The following EDA variants were observed in gnomAD, a reference collection of about 807,000 sequenced individuals.
EDA encodes ectodysplasin-A.
EDA carries 2 observed loss-of-function variants against 23.6 expected under a neutral mutation model. The observed-to-expected ratio is 0.08, with a 90% CI of 0.03 to 0.27. The LOEUF (loss-of-function observed/expected upper bound fraction) is 0.27. EDA is among the 10% of genes least tolerant of loss of function. The pLI is 1.00. For synonymous variants in EDA, 131 were observed against 132.0 expected, an observed-to-expected ratio of 0.99 and a Z score of 0.05; for missense variants, 229 against 324.2, an observed-to-expected ratio of 0.71 and a Z score of 2.26.
chrX:69,877,530 GT>G (rs1002699651), intron 1 of EDA, among the ~76,000 whole-genome samples: 23 of 109,948 alleles, frequency 2.1e-4, no homozygotes, highest in African/African-American at 7.0e-4. Context: ...TCTTTTTTTT[GT>G]TTTTTTATTA....
intron 1 of EDA, among the ~76,000 whole-genome samples, chrX:69,797,369 C>T (rs1602418605): frequency 9.0e-6 from 1 of 110,937 alleles, no homozygotes; most frequent in Admixed American, 9.6e-5. Context: ...ATCTAGTCAC[C>T]TATAAGGGAG....
chrX:69,771,638 A>C (rs1331413843), intron 1 of EDA, among the ~76,000 whole-genome samples: 1 of 112,082 alleles, frequency 8.9e-6, no homozygotes, highest in African/African-American at 3.2e-5. Flanking sequence ...AATACCATTA[A>C]GTTGTATAAC....
intron 1 of EDA, among the ~76,000 whole-genome samples, chrX:69,902,182 C>T (rs1040229666): frequency 9.6e-5 from 3 of 31,159 alleles, no homozygotes; most frequent in South Asian, 8.9e-4. Context: ...ATGAATTGTC[C>T]GTTTGGTTAT....
chrX:69,864,190 A>G (rs755012518), intron 1 of EDA, among the ~76,000 whole-genome samples: 1 of 111,633 alleles, frequency 9.0e-6, no homozygotes, highest in South Asian at 3.8e-4. Flanking sequence ...GGACCCTCAC[A>G]GAGTCCACTT....
At chrX:69,685,699 C>T (rs1407963174) in intron 1 of EDA, among the ~76,000 whole-genome samples, 2 of 111,310 alleles carry the variant, frequency 1.8e-5, no homozygotes, top group Non-Finnish European at 3.8e-5. Flanking sequence ...TCCATTTTAC[C>T]CTCTTGATAA....
At chrX:69,710,070 C>T (rs1276938294) in intron 1 of EDA, among the ~76,000 whole-genome samples, 2 of 111,418 alleles carry the variant, frequency 1.8e-5, no homozygotes, top group African/African-American at 6.5e-5. Context: ...AAGTCCTTGC[C>T]CATGCCTATG....
At chrX:69,957,221 G>A in intron 2 of EDA, 89 bp downstream of exon 2, 1 of 910,943 alleles carries the variant, frequency 1.1e-6, no homozygotes, top group Admixed American at 2.3e-5. Flanking sequence ...GTAGGGCATG[G>A]TGGCTCACGC....
chrX:69,962,356 G>A (rs2019113658), intron 2 of EDA, among the ~76,000 whole-genome samples: 1 of 112,349 alleles, frequency 8.9e-6, no homozygotes, highest in Non-Finnish European at 1.9e-5. Context: ...CCTTAAAACA[G>A]GGATAATTAG....
chrX:69,785,098 G>T (rs1381689498), intron 1 of EDA, among the ~76,000 whole-genome samples: 1 of 101,350 alleles, frequency 9.9e-6, no homozygotes, highest in East Asian at 2.9e-4. Context: ...CTGTTTGTCT[G>T]TTGTTGGTGT....
intron 1 of EDA, among the ~76,000 whole-genome samples, chrX:69,940,949 A>G (rs1187689981): frequency 9.0e-6 from 1 of 111,605 alleles, no homozygotes; most frequent in Non-Finnish European, 1.9e-5. Context: ...ACTGTATCCC[A>G]TAGGTTCTTG....
chrX:69,873,431 A>C (rs1451593140), intron 1 of EDA, among the ~76,000 whole-genome samples: 5 of 112,413 alleles, frequency 4.4e-5, no homozygotes, highest in Non-Finnish European at 9.4e-5. Flanking sequence ...AACAAACAAA[A>C]AAAATACAAA....
At chrX:69,687,606 C>G in intron 1 of EDA, 1 of 111,908 alleles carries the variant, frequency 8.9e-6, no homozygotes, top group East Asian at 2.8e-4. Flanking sequence ...TGTGGCTTCT[C>G]CTTTAGGTAT....
chrX:69,778,156 T>C (rs2014839587), intron 1 of EDA, among the ~76,000 whole-genome samples: 1 of 111,912 alleles, frequency 8.9e-6, no homozygotes, highest in African/African-American at 3.2e-5. Flanking sequence ...AGTTGTATTA[T>C]CATTTAATTA....
chrX:69,748,167 C>A (rs1306826802), intron 1 of EDA, among the ~76,000 whole-genome samples: 1 of 111,053 alleles, frequency 9.0e-6, no homozygotes, highest in Non-Finnish European at 1.9e-5. Flanking sequence ...AATGGGAAAA[C>A]TTGGAGTTCC....
chrX:69,661,958 T>A (rs1933524950), intron 1 of EDA, among the ~76,000 whole-genome samples: 1 of 112,097 alleles, frequency 8.9e-6, no homozygotes, highest in African/African-American at 3.2e-5. Flanking sequence ...GTTACCTATT[T>A]TTTTGTTTCT....
At chrX:69,868,783 AG>A (rs1480125812) in intron 1 of EDA, among the ~76,000 whole-genome samples, 2 of 112,631 alleles carry the variant, frequency 1.8e-5, no homozygotes, top group African/African-American at 6.5e-5. Context: ...AATGGAAAAA[AG>A]GGCATTTGCC....
chrX:69,689,785 C>G (rs1934656523), intron 1 of EDA, among the ~76,000 whole-genome samples: 2 of 111,321 alleles, frequency 1.8e-5, no homozygotes, highest in South Asian at 7.5e-4. Flanking sequence ...ATATTAAGTC[C>G]TCTAGTCTAT....
At chrX:69,733,369 A>G (rs1200839244) in intron 1 of EDA, among the ~76,000 whole-genome samples, 3 of 111,610 alleles carry the variant, frequency 2.7e-5, no homozygotes, top group Non-Finnish European at 5.7e-5. Context: ...TCCTTTCCCC[A>G]TTTCTTGTTT....
intron 2 of EDA, among the ~76,000 whole-genome samples, chrX:70,016,579 C>A (rs1244157228): frequency 8.9e-6 from 1 of 111,777 alleles, no homozygotes; most frequent in African/African-American, 3.2e-5. Context: ...AAATCAATAC[C>A]AAGAAGATCA....
Sources: allele counts gnomAD v4.1 joint callset (sites outside exome capture counted in the v4.1 genomes callset), GRCh38; gene constraint gnomAD v4.1.1; transcripts MANE v1.5; gene names NCBI Gene and HGNC (gene_info 2026-07-23, HGNC 2026-07-21).